Variants in DLG2 observed in about 807,000 individuals in gnomAD.
The protein encoded by DLG2 is disks large homolog 2.
A neutral mutation model predicts 132.5 loss-of-function variants in DLG2; 45 were observed. The observed-to-expected ratio is 0.34, with a 90% CI of 0.27 to 0.44. The LOEUF (loss-of-function observed/expected upper bound fraction) is 0.44. Among genes scored for constraint, DLG2 ranks in the 20% least tolerant of loss-of-function variants. DLG2 has a pLI of 1.00. For missense variants in DLG2, 1,045 were observed against 1,196.9 expected (o/e 0.87, Z 1.87); for synonymous variants, 424 against 419.6 (o/e 1.01, Z -0.13).
chr11:83,706,717 C>T (rs914975837), intron 18 of DLG2, among the ~76,000 whole-genome samples: 4 of 152,224 alleles, frequency 2.6e-5, no homozygotes, highest in African/African-American at 4.8e-5. Context: ...TTGCCACATG[C>T]GATGCCAACT....
chr11:84,023,990 A>G (rs2095472440), intron 11 of DLG2, among the ~76,000 whole-genome samples: 1 of 152,140 alleles, frequency 6.6e-6, no homozygotes, highest in South Asian at 2.1e-4. Flanking sequence ...CATACAAAAT[A>G]TGTGTTAATT....
intron 3 of DLG2, among the ~76,000 whole-genome samples, chr11:85,310,756 A>G (rs1027633428): frequency 8.5e-5 from 13 of 152,178 alleles, no homozygotes; most frequent in Non-Finnish European, 1.5e-4. Context: ...TAACATTTAT[A>G]TCTGATGCTA....
chr11:84,470,073 A>T (rs1188379219), intron 7 of DLG2, among the ~76,000 whole-genome samples: 2 of 151,764 alleles, frequency 1.3e-5, no homozygotes, highest in Non-Finnish European at 2.9e-5. Context: ...CTAAACATAG[A>T]CAAGGTATAG....
chr11:85,214,276 T>C (rs556795311), intron 4 of DLG2, among the ~76,000 whole-genome samples: 5 of 152,168 alleles, frequency 3.3e-5, no homozygotes, highest in Non-Finnish European at 7.3e-5. Flanking sequence ...CTTCTGGTTC[T>C]TTTTACTTCC....
chr11:85,407,748 C>T (rs961345403), intron 3 of DLG2, among the ~76,000 whole-genome samples: 2 of 151,690 alleles, frequency 1.3e-5, no homozygotes, highest in African/African-American at 4.8e-5. Flanking sequence ...ATTGTCCCAC[C>T]CAAGAAGCAG....
At chr11:84,946,473 C>T (rs1396580044) in intron 6 of DLG2, among the ~76,000 whole-genome samples, 2 of 151,940 alleles carry the variant, frequency 1.3e-5, no homozygotes, top group Admixed American at 1.3e-4. Context: ...GCAGCAGGTT[C>T]CTTTATGGCC....
At chr11:85,542,650 C>A (rs1037274126) in intron 3 of DLG2, among the ~76,000 whole-genome samples, 6 of 152,138 alleles carry the variant, frequency 3.9e-5, no homozygotes, top group Non-Finnish European at 8.8e-5. Context: ...TCTCAAAGGT[C>A]TCTTTTAGAT....
At chr11:85,179,767 T>A (rs1167701312) in intron 4 of DLG2, among the ~76,000 whole-genome samples, 1 of 151,900 alleles carries the variant, frequency 6.6e-6, no homozygotes, top group African/African-American at 2.4e-5. Flanking sequence ...ACTAAACCTA[T>A]CTATTTAAGA....
chr11:85,506,702 G>A (rs1200675125), intron 3 of DLG2, among the ~76,000 whole-genome samples: 1 of 152,156 alleles, frequency 6.6e-6, no homozygotes, highest in Non-Finnish European at 1.5e-5. Flanking sequence ...TGTTGATTTG[G>A]GGTGGAGAGT....
chr11:84,162,203 A>G (rs933636915), intron 9 of DLG2, among the ~76,000 whole-genome samples: 1 of 152,122 alleles, frequency 6.6e-6, no homozygotes, highest in Non-Finnish European at 1.5e-5. Flanking sequence ...TTATGAAATA[A>G]ATATAAGCAA....
intron 18 of DLG2, among the ~76,000 whole-genome samples, chr11:83,750,621 A>G (rs2093241484): frequency 6.6e-6 from 1 of 152,214 alleles, no homozygotes; most frequent in Non-Finnish European, 1.5e-5. Context: ...TGGTTCCATG[A>G]CATTATAGAT....
chr11:85,532,348 C>G (rs1433053734), intron 3 of DLG2, among the ~76,000 whole-genome samples: 1 of 152,098 alleles, frequency 6.6e-6, no homozygotes, highest in Non-Finnish European at 1.5e-5. Flanking sequence ...AGATATTTTC[C>G]AAGACTAGTT....
At chr11:84,982,509 G>T (rs77758044) in intron 6 of DLG2, among the ~76,000 whole-genome samples, 5,187 of 152,122 alleles carry the variant, frequency 0.034, 121 homozygotes, top group African/African-American at 0.053. Context: ...AAGTTAATCA[G>T]TATTCTCCAT....
intron 7 of DLG2, among the ~76,000 whole-genome samples, chr11:84,480,892 C>T (rs1602979685): frequency 6.6e-6 from 1 of 151,948 alleles, no homozygotes; most frequent in East Asian, 1.9e-4. Flanking sequence ...GCATACGCCA[C>T]TATGCCTGGT....
chr11:85,179,481 T>C (rs985626566), intron 4 of DLG2, among the ~76,000 whole-genome samples: 1 of 151,872 alleles, frequency 6.6e-6, no homozygotes, highest in African/African-American at 2.4e-5. Context: ...TCAAGGTCCT[T>C]GTCATATTTG....
intron 6 of DLG2, among the ~76,000 whole-genome samples, chr11:84,837,504 T>C (rs1943713): frequency 0.41 from 62,045 of 151,512 alleles, 13,870 homozygotes; most frequent in Middle Eastern, 0.54. Context: ...AGTAGCTCCC[T>C]ATTAGTAAAA....
chr11:84,034,415 T>C (rs1255288209), intron 11 of DLG2, among the ~76,000 whole-genome samples: 1 of 152,226 alleles, frequency 6.6e-6, no homozygotes, highest in East Asian at 1.9e-4. Flanking sequence ...TATTATGATA[T>C]TCACTTTATT....
chr11:85,158,574 G>T (rs1322406154), intron 4 of DLG2, among the ~76,000 whole-genome samples: 1 of 152,152 alleles, frequency 6.6e-6, no homozygotes, highest in Admixed American at 6.5e-5. Flanking sequence ...GAAGGGCCCT[G>T]TAATTGTTCT....
intron 2 of DLG2, among the ~76,000 whole-genome samples, chr11:85,610,752 G>A (rs975440620): frequency 6.6e-6 from 1 of 152,226 alleles, no homozygotes; most frequent in Non-Finnish European, 1.5e-5. Flanking sequence ...CCTACAGCAG[G>A]TCGAATATCT....
Sources: gnomAD v4.1 joint callset for allele counts (sites outside exome capture counted in the v4.1 genomes callset) on GRCh38, gnomAD v4.1.1 for gene constraint, MANE v1.5 for transcripts, NCBI Gene and HGNC (gene_info 2026-07-23, HGNC 2026-07-21) for gene names.